Variants in TRPC4 observed in about 807,000 individuals in gnomAD.
TRPC4 encodes transient receptor potential cation channel subfamily C member 4, also known as short transient receptor potential channel 4.
Under a neutral mutation model 99.4 loss-of-function variants are expected in TRPC4, and 49 were observed. That is an observed-to-expected ratio of 0.49 (90% CI 0.39 to 0.63). TRPC4 has a LOEUF of 0.63. TRPC4 is among the 20% of genes least tolerant of loss of function. TRPC4 has a pLI of 0.00. For missense variants in TRPC4, 898 were observed against 1,152.9 expected, an observed-to-expected ratio of 0.78 and a Z score of 3.20; for synonymous variants, 454 against 425.9, an observed-to-expected ratio of 1.07 and a Z score of -0.81.
At chr13:37,673,813 C>G (rs1039974732) in intron 5 of TRPC4, among the ~76,000 whole-genome samples, 1 of 152,028 alleles carries the variant, frequency 6.6e-6, no homozygotes, top group Non-Finnish European at 1.5e-5. Context: ...AATTTCAATG[C>G]TTTGAAAGAG....
intron 3 of TRPC4, among the ~76,000 whole-genome samples, chr13:37,699,975 C>T (rs932862837): frequency 3.9e-5 from 6 of 151,972 alleles, no homozygotes; most frequent in Admixed American, 1.3e-4. Context: ...ATGAACCCAA[C>T]GTTGAACTTA....
intron 1 of TRPC4, among the ~76,000 whole-genome samples, chr13:37,815,011 G>C (rs1002319339): frequency 3.1e-4 from 47 of 151,650 alleles, no homozygotes; most frequent in African/African-American, 1.1e-3. Context: ...TTGAGGGTCA[G>C]AAAATAAACC....
chr13:37,650,973 A>G (rs1381020192), intron 8 of TRPC4, among the ~76,000 whole-genome samples: 1 of 152,190 alleles, frequency 6.6e-6, no homozygotes, highest in African/African-American at 2.4e-5. Context: ...AGGTATTAAG[A>G]CAGAGTATGC....
intron 1 of TRPC4, among the ~76,000 whole-genome samples, chr13:37,822,323 G>A (rs188147705): frequency 0.011 from 1,636 of 151,932 alleles, 21 homozygotes; most frequent in African/African-American, 0.038. Flanking sequence ...TGTGCACAAT[G>A]TGCAGGTTAG....
chr13:37,849,924 A>G (rs749089580), intron 1 of TRPC4, among the ~76,000 whole-genome samples: 5 of 152,184 alleles, frequency 3.3e-5, no homozygotes, highest in African/African-American at 4.8e-5. Flanking sequence ...CAGAGTAAAT[A>G]GTGTCTAATT....
At chr13:37,674,494 T>C in intron 4 of TRPC4, 127 bp from the exon 5 acceptor site, 1 of 993,160 alleles carries the variant, frequency 1.0e-6, no homozygotes, top group Non-Finnish European at 1.5e-6. Flanking sequence ...ATGCAACATC[T>C]ATTTTTTACA....
chr13:37,803,025 A>G (rs1387967460), intron 1 of TRPC4, among the ~76,000 whole-genome samples: 1 of 151,666 alleles, frequency 6.6e-6, no homozygotes, highest in African/African-American at 2.4e-5. Flanking sequence ...ATATATATTT[A>G]TTTTATTTTT....
At chr13:37,704,883 G>C (rs1954216700) in intron 3 of TRPC4, among the ~76,000 whole-genome samples, 1 of 152,100 alleles carries the variant, frequency 6.6e-6, no homozygotes, top group Admixed American at 6.6e-5. Flanking sequence ...ATGGAAAATA[G>C]TATGGAGGGT....
In TRPC4 at chr13:37,746,071, G is replaced by A. The variant is rs777272411; in HGVS notation, c.763C>T (p.Leu255=). ...SRQCKQFAKD[L]LDQTRSSREL... is the part of the protein sequence containing the mutation. The stretch of plus-strand genomic sequence containing the variant: ...CTGGAACTTCTCGTCTGATCCAGTA[G>A]GTCCTTAGCAAATTGTTTGCACTGC... Residue 255 remains leucine, a synonymous_variant, in exon 3 of 11, where the codon CTA becomes TTA. Coordinates refer to ENST00000379705, the MANE Select transcript of TRPC4 (RefSeq NM_016179.4). 39 of 1,613,724 alleles carry A rather than the reference G, an allele frequency of 2.4e-5. 1 individual carries two copies. In the South Asian group the frequency reaches 4.2e-4, roughly 17 times the overall value.
intron 2 of TRPC4, among the ~76,000 whole-genome samples, chr13:37,749,467 C>A (rs1201379374): frequency 6.6e-6 from 1 of 152,118 alleles, no homozygotes; most frequent in Non-Finnish European, 1.5e-5. Context: ...CTTAGCTGGA[C>A]TCCGTGGGGG....
At chr13:37,819,831 A>G (rs2139524455) in intron 1 of TRPC4, among the ~76,000 whole-genome samples, 1 of 150,030 alleles carries the variant, frequency 6.7e-6, no homozygotes. Flanking sequence ...ATGAAAGTTA[A>G]AAAAAAAAAC....
chr13:37,745,436 GTATATATATATATATATATA>G lies in TRPC4; in HGVS notation c.897+481_897+500del, dbSNP rs1201385469. Among the ~76,000 whole-genome samples, 25 of 20,728 alleles carry G rather than the reference GTATATATATATATATATATA, an allele frequency of 1.2e-3. 1 individual carries two copies. Among genetic ancestry groups the G allele is most frequent in the African/African-American group, 2.1e-3 (23 of 10,772 alleles). The allele number at this position is 20,728 out of a possible 152,430, so 13.6% of individuals were successfully genotyped here. A position where few individuals can be genotyped will look rare whatever the true frequency, so the allele number is the denominator to read the frequency against. ...GCTGATTATTTATATATATATATGC[GTATATATATATATATATATA>G]TATATATATATATATATACACACAC... On this transcript the variant is annotated intron_variant, in intron 3 of 10. Transcript: ENST00000379705.
At chr13:37,731,228 C>T (rs1955229775) in intron 3 of TRPC4, among the ~76,000 whole-genome samples, 1 of 151,976 alleles carries the variant, frequency 6.6e-6, no homozygotes, top group Non-Finnish European at 1.5e-5. Flanking sequence ...CCCCAATCTC[C>T]TTGGATGACA....
chr13:37,803,681 A>C (rs1448499834), intron 1 of TRPC4, among the ~76,000 whole-genome samples: 1 of 152,114 alleles, frequency 6.6e-6, no homozygotes, highest in Non-Finnish European at 1.5e-5. Context: ...ACATAAAAAC[A>C]GAAGAAATTT....
At chr13:37,781,968 G>A (rs1309535322) in intron 2 of TRPC4, among the ~76,000 whole-genome samples, 5 of 152,010 alleles carry the variant, frequency 3.3e-5, no homozygotes, top group Admixed American at 6.6e-5. Context: ...TGCAGAGACC[G>A]AGATGTGTAT....
chr13:37,805,277 G>A (rs1957503286), intron 1 of TRPC4, among the ~76,000 whole-genome samples: 1 of 151,860 alleles, frequency 6.6e-6, no homozygotes, highest in Non-Finnish European at 1.5e-5. Flanking sequence ...TTTTTGCAAT[G>A]CAAATACGCC....
At chr13:37,699,775 C>T (rs1954045093) in intron 3 of TRPC4, among the ~76,000 whole-genome samples, 2 of 152,106 alleles carry the variant, frequency 1.3e-5, no homozygotes, top group African/African-American at 2.4e-5. Flanking sequence ...TGTCACATAA[C>T]CAGAAGGGAA....
At chr13:37,728,791 T>A (rs911202045) in intron 3 of TRPC4, among the ~76,000 whole-genome samples, 1 of 152,080 alleles carries the variant, frequency 6.6e-6, no homozygotes, top group Non-Finnish European at 1.5e-5. Flanking sequence ...TATTGCTAAG[T>A]TACTGTAATG....
chr13:37,728,025 C>A (rs1190194060), intron 3 of TRPC4, among the ~76,000 whole-genome samples: 1 of 151,896 alleles, frequency 6.6e-6, no homozygotes, highest in Non-Finnish European at 1.5e-5. Flanking sequence ...GCAAATTAGG[C>A]ATGGAAGGAA....
Sources: gnomAD v4.1 joint callset for allele counts (sites outside exome capture counted in the v4.1 genomes callset) on GRCh38, gnomAD v4.1.1 for gene constraint, MANE v1.5 for transcripts, NCBI Gene and HGNC (gene_info 2026-07-23, HGNC 2026-07-21) for gene names.